Variants in ZBTB7C observed in about 807,000 individuals in gnomAD.
ZBTB7C encodes the protein zinc finger and BTB domain-containing protein 7C.
A neutral mutation model predicts 25.7 loss-of-function variants in ZBTB7C; 8 were observed. The ratio of observed to expected loss-of-function variants is 0.31; its 90% CI spans 0.18 to 0.56. ZBTB7C has a LOEUF of 0.56. Among genes scored for constraint, ZBTB7C ranks in the 20% least tolerant of loss-of-function variants. The pLI, the probability that ZBTB7C is intolerant of heterozygous loss-of-function variation, is 0.91. For synonymous variants in ZBTB7C, 394 were observed against 369.0 expected (o/e 1.07, Z -0.78); for missense variants, 824 against 855.2 (o/e 0.96, Z 0.46).
chr18:48,270,634 G>T (rs1179749125), intron 2 of ZBTB7C, among the ~76,000 whole-genome samples: 1 of 148,674 alleles, frequency 6.7e-6, no homozygotes, highest in East Asian at 2.0e-4. Flanking sequence ...AGGTTGCAGT[G>T]AGCCAAGATT....
chr18:48,089,338 T>C lies in ZBTB7C; in HGVS notation c.-16-48215A>G, dbSNP rs144740472. ...ACAAAAAATTAGCCGGGTGTGGTGG[T>C]GGGCGCCTGTATAATCCCAGCTGCT... On this transcript the variant is annotated intron_variant, in intron 3 of 4. Transcript: ENST00000590800. 9.7e-3 allele frequency among the ~76,000 whole-genome samples: 1,471 copies of C among 151,758 alleles called. 23 individuals are homozygous for C. The highest frequency in any genetic ancestry group is 0.032 in the African/African-American group (1,310 of 41,380).
At chr18:48,162,685 C>T (rs2041105344) in intron 3 of ZBTB7C, among the ~76,000 whole-genome samples, 1 of 152,202 alleles carries the variant, frequency 6.6e-6, no homozygotes, top group South Asian at 2.1e-4. Flanking sequence ...ATTCTGTCTC[C>T]TCTCTGAGCT....
intron 4 of ZBTB7C, among the ~76,000 whole-genome samples, chr18:48,030,441 A>C (rs370770628): frequency 1.3e-5 from 2 of 152,350 alleles, no homozygotes; most frequent in African/African-American, 2.4e-5. Flanking sequence ...GGGAGGCTAT[A>C]GAAGCTTGGG....
chr18:48,077,737 C>T (rs186917693), intron 3 of ZBTB7C, among the ~76,000 whole-genome samples: 158 of 152,264 alleles, frequency 1.0e-3, no homozygotes, highest in African/African-American at 3.4e-3. Context: ...TGGGTCACCT[C>T]GTCCTCACCA....
At chr18:48,189,452 G>A (rs983366458) in intron 2 of ZBTB7C, among the ~76,000 whole-genome samples, 1 of 152,146 alleles carries the variant, frequency 6.6e-6, no homozygotes, top group Non-Finnish European at 1.5e-5. Context: ...GGAGACAGGG[G>A]GAGACTGACA....
At chr18:48,087,922 C>T (rs1439624893) in intron 3 of ZBTB7C, 2 of 151,460 alleles carry the variant, frequency 1.3e-5, no homozygotes, top group Admixed American at 1.3e-4. Flanking sequence ...CATTTAACCT[C>T]ATTCTTTCCT....
chr18:48,216,525 G>A (rs1045247074), intron 2 of ZBTB7C, among the ~76,000 whole-genome samples: 1 of 152,142 alleles, frequency 6.6e-6, no homozygotes. Flanking sequence ...CTCACTCCCT[G>A]GGGGGCGAAG....
At chr18:48,319,937 C>A (rs78187370) in intron 2 of ZBTB7C, among the ~76,000 whole-genome samples, 8,804 of 152,100 alleles carry the variant, frequency 0.058, 372 homozygotes, top group South Asian at 0.099. Context: ...TAGAAACTGT[C>A]TGGGCCGTGG....
At chr18:48,131,351 A>G (rs1362989865) in intron 3 of ZBTB7C, among the ~76,000 whole-genome samples, 1 of 152,254 alleles carries the variant, frequency 6.6e-6, no homozygotes, top group Non-Finnish European at 1.5e-5. Context: ...AAATTCCATT[A>G]CGATAACTTC....
intron 2 of ZBTB7C, among the ~76,000 whole-genome samples, chr18:48,297,026 A>G (rs566976665): frequency 4.5e-4 from 69 of 152,202 alleles, no homozygotes; most frequent in Non-Finnish European, 7.9e-4. Flanking sequence ...TCTGAGGTGG[A>G]ACAGTTTCCC....
intron 3 of ZBTB7C, among the ~76,000 whole-genome samples, chr18:48,126,094 T>G (rs1237930963): frequency 6.6e-6 from 1 of 152,188 alleles, no homozygotes; most frequent in Non-Finnish European, 1.5e-5. Context: ...TCAAAGGATA[T>G]CATTTCAAAA....
intron 2 of ZBTB7C, among the ~76,000 whole-genome samples, chr18:48,245,826 T>C (rs1425805882): frequency 6.6e-6 from 1 of 152,200 alleles, no homozygotes; most frequent in Non-Finnish European, 1.5e-5. Context: ...GAGATGAAAC[T>C]GACAGATTGC....
chr18:48,357,784 T>G (rs1040164415), intron 1 of ZBTB7C, among the ~76,000 whole-genome samples: 3 of 152,248 alleles, frequency 2.0e-5, no homozygotes, highest in Non-Finnish European at 4.4e-5. Flanking sequence ...ATAGGACATG[T>G]CCACTAATTC....
At position 48,166,146 on chromosome 18, in the gene ZBTB7C, C is replaced by T. The variant is rs1034218013; in HGVS notation, c.-17+19788G>A. ...AGGCGAAATTCCGTGGCATTGAGTA[C>T]ATTCACAGTGTTGTACAACCATCAC... On this transcript the variant is annotated intron_variant, in intron 3 of 4. Transcript: ENST00000590800. Among the ~76,000 whole-genome samples, 7 of 152,036 alleles carry T rather than the reference C, an allele frequency of 4.6e-5. 1 individual carries two copies. Among genetic ancestry groups the T allele is most frequent in the Admixed American group, 2.0e-4 (3 of 15,260 alleles).
chr18:48,183,829 C>T (rs1319562420), intron 3 of ZBTB7C, among the ~76,000 whole-genome samples: 2 of 152,210 alleles, frequency 1.3e-5, no homozygotes, highest in Non-Finnish European at 2.9e-5. Flanking sequence ...TGCCCCCTGC[C>T]TCCAAGTCAG....
intron 3 of ZBTB7C, among the ~76,000 whole-genome samples, chr18:48,143,958 G>A (rs760669950): frequency 6.6e-6 from 1 of 152,166 alleles, no homozygotes; most frequent in African/African-American, 2.4e-5. Flanking sequence ...AAGGACAAGC[G>A]GGAGTACCCC....
intron 2 of ZBTB7C, among the ~76,000 whole-genome samples, chr18:48,296,197 C>T (rs1254424792): frequency 6.6e-6 from 1 of 152,180 alleles, no homozygotes; most frequent in African/African-American, 2.4e-5. Context: ...TGCTCAGGCC[C>T]CCTGGATGGC....
chr18:48,313,266 T>C (rs76739539), intron 2 of ZBTB7C, among the ~76,000 whole-genome samples: 3,663 of 152,060 alleles, frequency 0.024, 72 homozygotes, highest in South Asian at 0.076. Flanking sequence ...AACCCTAGAG[T>C]TCGGAGTGAG....
chr18:48,262,605 A>T (rs111916438), intron 2 of ZBTB7C, among the ~76,000 whole-genome samples: 1,671 of 152,310 alleles, frequency 0.011, 17 homozygotes, highest in South Asian at 0.038. Context: ...GACTTACTTT[A>T]TAAATAAGGA....
Sources: gnomAD v4.1 joint callset for allele counts (sites outside exome capture counted in the v4.1 genomes callset) on GRCh38, gnomAD v4.1.1 for gene constraint, MANE v1.5 for transcripts, NCBI Gene and HGNC (gene_info 2026-07-23, HGNC 2026-07-21) for gene names.